The following ASPM variants were observed in gnomAD, a reference collection of about 807,000 sequenced individuals.
The protein encoded by ASPM is assembly factor for spindle microtubules, also known as abnormal spindle-like microcephaly-associated protein.
Under a neutral mutation model 366.4 loss-of-function variants are expected in ASPM, and 256 were observed. The ratio of observed to expected loss-of-function variants is 0.70; its 90% CI spans 0.63 to 0.77. The LOEUF is 0.77. Among genes scored for constraint, ASPM ranks in the 30% least tolerant of loss-of-function variants. The probability of loss-of-function intolerance (pLI) is 0.00; values close to 1 mark genes in which losing one functional copy is unlikely to be tolerated. For missense variants in ASPM, 4,146 were observed against 4,090.4 expected (o/e 1.01, Z -0.37); for synonymous variants, 1,414 against 1,342.9 (o/e 1.05, Z -1.16).
chr1:197,101,919 G>C lies in ASPM; in HGVS notation c.7332C>G (p.Thr2444=), dbSNP rs780686881. Residue 2444 remains threonine, a synonymous_variant, in exon 18 of 28, where the codon ACC becomes ACG. Coordinates refer to ENST00000367409, the MANE Select transcript of ASPM (RefSeq NM_018136.5). ...GGTACAATTTATGTTTGGCACAAAT[G>C]GTGGCTCGATATTTCCTCTGAACAA... is the stretch of plus-strand genomic sequence containing the variant. ...TIFVQRKYRA[T]ICAKHKLYQF... is the part of the protein sequence containing the mutation. 1 of 1,612,740 alleles carries C rather than the reference G, an allele frequency of 6.2e-7. No individual in the cohort carries two copies. The highest frequency in any genetic ancestry group is 8.5e-7 in the Non-Finnish European group (1 of 1,179,250).
Position 197,102,519 on chromosome 1 carries a change from T to C in ASPM, c.6732A>G (p.Ile2244Met), listed in dbSNP as rs1170935833. The change falls in exon 18 of 28, where the codon ATA (isoleucine) becomes ATG (methionine). Residue 2244 changes from isoleucine (I) to methionine (M), a missense_variant. Transcript: ENST00000367409. ...TTCCCCTAAAAATAGCCTGAATGTA[T>C]ATTACAGAATGCCTCAGTTTGTTAT... ...QRYNKLRHSV[I>M]YIQAIFRGKK... 2.5e-6 allele frequency: 4 copies of C among 1,612,406 alleles called. No individual in the cohort carries two copies. The highest frequency in any genetic ancestry group is 1.7e-5 in the Admixed American group (1 of 59,790).
intron 10 of ASPM, among the ~76,000 whole-genome samples, chr1:197,128,138 T>G (rs1050207968): frequency 6.6e-6 from 1 of 151,046 alleles, no homozygotes; most frequent in Non-Finnish European, 1.5e-5. Context: ...CCCTCCAGAC[T>G]GGGCAACAGA....
Position 197,125,140 on chromosome 1 carries a change from C to T in ASPM, c.2988G>A (p.Arg996=). 6.2e-7 allele frequency: 1 copy of T among 1,613,998 alleles called. No homozygotes were observed. Among genetic ancestry groups the T allele is most frequent in the Non-Finnish European group, 8.5e-7 (1 of 1,179,948 alleles). ...TTTGAAGACGACTTATTGCCGGAAT[C>T]CTGAGTTTCTTTGAGAGGTCCCAGT... The part of the protein sequence containing the change: ...TQNWDLSKKL[R]IPAISRLQKM... The change falls in exon 11 of 28, where the codon AGG becomes AGA. Residue 996 remains arginine, a synonymous_variant. Coordinates refer to ENST00000367409, the MANE Select transcript of ASPM (RefSeq NM_018136.5).
In ASPM at chr1:197,100,942, A is replaced by G. The variant is rs886043529; in HGVS notation, c.8309T>C (p.Val2770Ala). The change falls in exon 18 of 28, where the codon GTT (valine) becomes GCT (alanine). Residue 2770 changes from valine to alanine, a missense_variant. Val to Ala is a moderately conservative substitution (Grantham distance 64). This residue lies in a region of ASPM where 3,624 missense variants were observed against 3,591.7 expected (regional missense o/e 1.01). Transcript: ENST00000367409. ...GTAACAGCAGAGTGCAGATTGGTTAACAATGGCTGCCATCTTTTCCTCTGA... is the reference window on the plus strand; with the variant it reads ...GTAACAGCAGAGTGCAGATTGGTTAGCAATGGCTGCCATCTTTTCCTCTGA... ...NVSEEKMAAIVNQSALCCYRS... is the reference protein window; with the variant it reads ...NVSEEKMAAIANQSALCCYRS... 6 of 1,612,604 alleles carry G rather than the reference A, an allele frequency of 3.7e-6. 1 individual carries two copies. Among genetic ancestry groups the G allele is most frequent in the Non-Finnish European group, 5.1e-6 (6 of 1,179,186 alleles).
chr1:197,132,375 A>G lies in ASPM; in HGVS notation c.2420-23T>C, dbSNP rs948579026. ...CTCCTGAAATGCATGTCAAAGGCAA[A>G]TAAGTTCAAATTGATAATCAAATAG... On this transcript the variant is annotated intron_variant, in intron 6 of 27. Coordinates refer to ENST00000367409, the MANE Select transcript of ASPM (RefSeq NM_018136.5). The G allele has an allele frequency of 5.6e-6, 9 of 1,602,376 alleles. No homozygotes were observed. In the African/African-American group the frequency reaches 8.0e-5, roughly 14 times the overall value.
Position 197,101,436 on chromosome 1 carries a change from CTCTT to C in ASPM, c.7811_7814del (p.Lys2604ArgfsTer11). 1 of 1,608,684 alleles carries C rather than the reference CTCTT, an allele frequency of 6.2e-7. No homozygotes were observed. The highest frequency in any genetic ancestry group is 1.1e-5 in the South Asian group (1 of 91,006). The stretch of plus-strand genomic sequence containing the variant: ...CCTGAAAACCTGCCTGAACACAAGT[CTCTT>C]TCTTAAGTTCATTGTGTTGAAATAC... On this transcript the variant is annotated frameshift_variant, in exon 18 of 28. Coordinates refer to ENST00000367409, the MANE Select transcript of ASPM (RefSeq NM_018136.5). LOFTEE classifies it high-confidence loss of function.
Position 197,103,990 on chromosome 1 carries a change from G to A in ASPM, c.5261C>T (p.Ala1754Val), listed in dbSNP as rs759380732. The A allele has an allele frequency of 6.2e-6, 10 of 1,612,266 alleles. No homozygotes were observed. Among genetic ancestry groups the A allele is most frequent in the Non-Finnish European group, 7.6e-6 (9 of 1,179,382 alleles). The change falls in exon 18 of 28, where the codon GCT (alanine) becomes GTT (valine). Residue 1754 changes from alanine (A) to valine (V), a missense_variant. Ala to Val is a moderately conservative substitution (Grantham distance 64, BLOSUM62 0). Transcript: ENST00000367409. ...GAAATAAGACTGTAGTGAAATAACA[G>A]CTTTTCTTTGTAACCTCATCTGCTT... ...VRKQMRLQRKAVISLQSYFRM... is the reference protein window; with the variant it reads ...VRKQMRLQRKVVISLQSYFRM...
chr1:197,121,910 A>C lies in ASPM; in HGVS notation c.3870+5T>G, dbSNP rs1234696882. On this transcript the variant is annotated splice_donor_5th_base_variant and intron_variant, in intron 16 of 27. Coordinates refer to ENST00000367409, the MANE Select transcript of ASPM (RefSeq NM_018136.5). Reference sequence around the variant, plus strand: ...CACTATAGTAGTTTCATATTCTAGGAGTACCTGATGGCGTTTGAGATCTGT... The same window carrying C: ...CACTATAGTAGTTTCATATTCTAGGCGTACCTGATGGCGTTTGAGATCTGT... The C allele has an allele frequency of 1.2e-6, 2 of 1,604,636 alleles. No individual in the cohort carries two copies. Among genetic ancestry groups the C allele is most frequent in the Non-Finnish European group, 1.7e-6 (2 of 1,172,252 alleles).
intron 22 of ASPM, among the ~76,000 whole-genome samples, chr1:197,091,602 G>T (rs1280352724): frequency 1.3e-5 from 2 of 151,904 alleles, no homozygotes; most frequent in African/African-American, 4.8e-5. Context: ...CATTAGAATG[G>T]CAAAAATCAG....
intron 17 of ASPM, among the ~76,000 whole-genome samples, chr1:197,106,715 A>G (rs1657423239): frequency 6.6e-6 from 1 of 152,144 alleles, no homozygotes; most frequent in African/African-American, 2.4e-5. Context: ...AATAGCTTTT[A>G]CTAAGGAACA....
At position 197,142,616 on chromosome 1, in the gene ASPM, GAAGAT is replaced by G. The variant is rs199422144; in HGVS notation, c.1631_1635del (p.Tyr544SerfsTer9). 5.3e-5 allele frequency: 85 copies of G among 1,612,280 alleles called. No homozygotes were observed. The highest frequency in any genetic ancestry group is 1.2e-4 in the African/African-American group (9 of 74,826). On this transcript the variant is annotated frameshift_variant, in exon 3 of 28. Transcript: ENST00000367409. LOFTEE classifies it high-confidence loss of function. Reference sequence around the variant, plus strand: ...TTACTTAATATTGGATCTATAATTGGAAGATAAGAATGAAAATCTTCTTTTTCCTT... The same window carrying G: ...TTACTTAATATTGGATCTATAATTGGAAGAATGAAAATCTTCTTTTTCCTT...
At chr1:197,117,391 C>A (rs1462378870) in intron 17 of ASPM, among the ~76,000 whole-genome samples, 1 of 151,860 alleles carries the variant, frequency 6.6e-6, no homozygotes, top group East Asian at 1.9e-4. Context: ...TACATGCCAA[C>A]TAAGTGGAGT....
In ASPM at chr1:197,103,542, C is replaced by A. The variant is rs759143438; in HGVS notation, c.5709G>T (p.Lys1903Asn). 5 of 1,613,038 alleles carry A rather than the reference C, an allele frequency of 3.1e-6. No homozygotes were observed. Among genetic ancestry groups the A allele is most frequent in the Non-Finnish European group, 4.2e-6 (5 of 1,179,544 alleles). ...TGGCCATTCTAAAAGCAGACTGAAT[C>A]TTCAAGGCAGCTTGATGTTCCCTTC... The part of the protein sequence containing the change: ...QIRREHQAAL[K>N]IQSAFRMAKA... Residue 1903 changes from lysine (K) to asparagine (N), a missense_variant, in exon 18 of 28, where the codon AAG becomes AAT. Lys to Asn is a moderately conservative substitution (Grantham distance 94). This residue lies in a region of ASPM where 3,624 missense variants were observed against 3,591.7 expected (regional missense o/e 1.01). Coordinates refer to ENST00000367409, the MANE Select transcript of ASPM (RefSeq NM_018136.5).
chr1:197,105,265 TA>T lies in ASPM; in HGVS notation c.4066-81del. 2.8e-6 allele frequency: 3 copies of T among 1,082,072 alleles called. No homozygotes were observed. In the South Asian group the frequency reaches 4.1e-5, roughly 15 times the overall value. 67.0% of individuals were successfully genotyped at this position (1,082,072 alleles called of 1,614,324 possible). A position where few individuals can be genotyped will look rare whatever the true frequency, so the allele number is the denominator to read the frequency against. ...ACACTTTTCAAAATACTAATTTTTC[TA>T]ACATTCTGCTTAAAAATAAACACAT... On this transcript the variant is annotated intron_variant, in intron 17 of 27. Coordinates refer to ENST00000367409, the MANE Select transcript of ASPM (RefSeq NM_018136.5).
In ASPM at chr1:197,100,660, A is replaced by G; in HGVS notation, c.8591T>C (p.Ile2864Thr). Residue 2864 changes from isoleucine to threonine, a missense_variant, in exon 18 of 28, where the codon ATC (isoleucine) becomes ACC (threonine). Transcript: ENST00000367409. ...CGTCCTAAAATAATGCTGTAAAGTG[A>G]TAGCAGCTCTTTTCTGCTGAACAAA... ...RRFVQQKRAA[I>T]TLQHYFRTWQ... The G allele has an allele frequency of 6.2e-7, 1 of 1,612,324 alleles. No individual in the cohort carries two copies. Among genetic ancestry groups the G allele is most frequent in the Non-Finnish European group, 8.5e-7 (1 of 1,178,996 alleles).
At chr1:197,107,150 G>A (rs1228270686) in intron 17 of ASPM, among the ~76,000 whole-genome samples, 4 of 152,030 alleles carry the variant, frequency 2.6e-5, no homozygotes, top group African/African-American at 4.8e-5. Context: ...AGACTGGGGA[G>A]CTCAGGGAAG....
chr1:197,114,709 G>T (rs1450204662), intron 17 of ASPM, among the ~76,000 whole-genome samples: 1 of 152,078 alleles, frequency 6.6e-6, no homozygotes, highest in Non-Finnish European at 1.5e-5. Context: ...GAGTAGCTGG[G>T]ACTATGGATG....
chr1:197,116,478 C>T (rs1209726899), intron 17 of ASPM, among the ~76,000 whole-genome samples: 1 of 152,176 alleles, frequency 6.6e-6, no homozygotes, highest in East Asian at 1.9e-4. Flanking sequence ...GTGTTGCAGA[C>T]TTGCTTAACA....
At chr1:197,145,845 A>AATATAT (rs71131744) in intron 1 of ASPM, among the ~76,000 whole-genome samples, 17 of 147,680 alleles carry the variant, frequency 1.2e-4, no homozygotes, top group African/African-American at 3.8e-4. Flanking sequence ...TCAATTAGAG[A>AATATAT]ATATATATAT....
Sources: gnomAD v4.1 joint callset for allele counts (sites outside exome capture counted in the v4.1 genomes callset) on GRCh38, gnomAD v4.1.1 for gene constraint, gnomAD v4.1.1 regional missense constraint, MANE v1.5 for transcripts, NCBI Gene and HGNC (gene_info 2026-07-23, HGNC 2026-07-21) for gene names.